The following NAV3 variants were observed in gnomAD, a reference collection of about 807,000 sequenced individuals.
NAV3 encodes the protein pore membrane and/or filament interacting like protein 1.
Under a neutral mutation model 244.7 loss-of-function variants are expected in NAV3, and 87 were observed. The ratio of observed to expected loss-of-function variants is 0.36; its 90% CI spans 0.30 to 0.42. The LOEUF (loss-of-function observed/expected upper bound fraction) is 0.42, where lower values mean the gene tolerates loss of function less well. Ranked by LOEUF, NAV3 falls within the 20% of genes least tolerant of loss-of-function variation. NAV3 has a pLI of 1.00. For synonymous variants in NAV3, 1,126 were observed against 1,042.2 expected, an observed-to-expected ratio of 1.08 and a Z score of -1.55; for missense variants, 2,663 against 2,893.3, an observed-to-expected ratio of 0.92 and a Z score of 1.83.
At chr12:78,142,004 C>T (rs1443205989) in intron 20 of NAV3, among the ~76,000 whole-genome samples, 1 of 151,996 alleles carries the variant, frequency 6.6e-6, no homozygotes, top group Non-Finnish European at 1.5e-5. Flanking sequence ...AAGAAAAATA[C>T]ACTTAGATAG....
At chr12:78,171,797 T>C (rs889592721) in intron 24 of NAV3, among the ~76,000 whole-genome samples, 3 of 151,552 alleles carry the variant, frequency 2.0e-5, no homozygotes, top group African/African-American at 7.3e-5. Flanking sequence ...TTCTGTAATA[T>C]ATATTTTTAA....
intron 1 of NAV3, among the ~76,000 whole-genome samples, chr12:77,853,669 T>G (rs367887032): frequency 1.2e-4 from 18 of 152,316 alleles, no homozygotes; most frequent in African/African-American, 4.1e-4. Context: ...AGAGATAATC[T>G]TATCTCTATT....
chr12:78,069,878 C>T (rs1317239894), intron 12 of NAV3, among the ~76,000 whole-genome samples: 2 of 151,858 alleles, frequency 1.3e-5, no homozygotes, highest in African/African-American at 4.8e-5. Flanking sequence ...TAAAGATTTA[C>T]AATTTTTAGA....
chr12:77,588,662 T>C (rs1176746371), intron 2 of NAV3, among the ~76,000 whole-genome samples: 1 of 152,142 alleles, frequency 6.6e-6, no homozygotes, highest in Non-Finnish European at 1.5e-5. Flanking sequence ...GACTATCTAC[T>C]GTGTGTGTTG....
At chr12:77,628,902 C>CAAAAAAAAAAGA (rs1871759470) in intron 2 of NAV3, among the ~76,000 whole-genome samples, 1 of 86,656 alleles carries the variant, frequency 1.2e-5, no homozygotes, top group African/African-American at 4.2e-5. Flanking sequence ...ACCCTGTCTC[C>CAAAAAAAAAAGA]AAAAAAAAAA....
Position 78,188,324 on chromosome 12 carries a change from T to A in NAV3, c.5867T>A (p.Val1956Glu), listed in dbSNP as rs751480101. Residue 1956 changes from valine (V) to glutamate (E), a missense_variant, in exon 32 of 40, where the codon GTA becomes GAA. By Grantham distance (121) the Val-to-Glu change is moderately radical. This residue lies in a region of NAV3 where 543 missense variants were observed against 672.4 expected (regional missense o/e 0.81). Coordinates refer to ENST00000397909, the MANE Select transcript of NAV3 (RefSeq NM_001024383.2). The stretch of plus-strand genomic sequence containing the variant: ...ACCAAGTGGGATGTCTTAGATGGTG[T>A]AATAAGACGTCTCTTTAAGGTATGT... ...GKTKWDVLDG[V>E]IRRLFKEYVF... 6.2e-7 allele frequency: 1 copy of A among 1,610,284 alleles called. No individual in the cohort carries two copies. Among genetic ancestry groups the A allele is most frequent in the South Asian group, 1.1e-5 (1 of 90,920 alleles).
chr12:77,785,277 C>T (rs948870914), intron 2 of NAV3, among the ~76,000 whole-genome samples: 1 of 152,112 alleles, frequency 6.6e-6, no homozygotes, highest in Admixed American at 6.5e-5. Context: ...ACTCTGGACT[C>T]TGCCCATGTG....
intron 2 of NAV3, among the ~76,000 whole-genome samples, chr12:77,586,783 A>G (rs941337638): frequency 2.0e-5 from 3 of 152,222 alleles, no homozygotes; most frequent in Admixed American, 6.5e-5. Flanking sequence ...CAAGTGTTCA[A>G]TCATCATATG....
intron 2 of NAV3, among the ~76,000 whole-genome samples, chr12:77,599,589 T>C (rs912091495): frequency 6.6e-6 from 1 of 151,810 alleles, no homozygotes. Context: ...CATTCCAAGA[T>C]AGATTTCTAA....
intron 1 of NAV3, among the ~76,000 whole-genome samples, chr12:77,926,475 CATACATAGATAG>C (rs1057477711): frequency 6.8e-6 from 1 of 148,096 alleles, no homozygotes; most frequent in East Asian, 2.1e-4. Context: ...TAGATACATA[CATACATAGATAG>C]ATACATAGAT....
At chr12:77,875,610 T>C (rs1881735225) in intron 1 of NAV3, among the ~76,000 whole-genome samples, 1 of 152,024 alleles carries the variant, frequency 6.6e-6, no homozygotes, top group African/African-American at 2.4e-5. Flanking sequence ...TTGAGTCAAG[T>C]AATGAGGAAA....
intron 1 of NAV3, among the ~76,000 whole-genome samples, chr12:77,880,765 T>C (rs534536122): frequency 2.0e-5 from 3 of 152,152 alleles, no homozygotes; most frequent in Non-Finnish European, 2.9e-5. Context: ...TTTAGTCACA[T>C]GCTTTACAGG....
At position 78,168,882 on chromosome 12, in the gene NAV3, A is replaced by C. The variant is rs554575230; in HGVS notation, c.4981+16A>C. On this transcript the variant is annotated intron_variant, in intron 24 of 39. Coordinates refer to ENST00000397909, the MANE Select transcript of NAV3 (RefSeq NM_001024383.2). The stretch of plus-strand genomic sequence containing the variant: ...CCTCCCAAAGGTATATTTAGAAATC[A>C]TTTCATTTCCACCCAATATAATAGA... The C allele has an allele frequency of 2.6e-6, 4 of 1,533,550 alleles. No homozygotes were observed. The African/African-American group carries it at 5.6e-5, about 21-fold the overall frequency. The allele number at this position is 1,533,550 out of a possible 1,614,324, so 95.0% of individuals were successfully genotyped here.
chr12:77,573,407 A>AT (rs1280937018), intron 2 of NAV3, among the ~76,000 whole-genome samples: 3 of 152,154 alleles, frequency 2.0e-5, no homozygotes, highest in Admixed American at 6.6e-5. Flanking sequence ...AGTTTGGTTC[A>AT]TTTTTTGTGC....
intron 2 of NAV3, among the ~76,000 whole-genome samples, chr12:77,682,419 T>C (rs1874515341): frequency 6.6e-6 from 1 of 152,234 alleles, no homozygotes; most frequent in African/African-American, 2.4e-5. Context: ...GATACTTAGG[T>C]TGATTCCATA....
intron 15 of NAV3, among the ~76,000 whole-genome samples, chr12:78,121,532 G>A (rs974195093): frequency 6.6e-6 from 1 of 151,910 alleles, no homozygotes; most frequent in Non-Finnish European, 1.5e-5. Context: ...AAAAAAAAGA[G>A]AAGAGCTCAT....
intron 2 of NAV3, among the ~76,000 whole-genome samples, chr12:77,697,859 A>G (rs1875384599): frequency 1.3e-5 from 2 of 152,160 alleles, no homozygotes; most frequent in Non-Finnish European, 2.9e-5. Context: ...AGGGATTCCC[A>G]GAAGAAGTGA....
At chr12:77,947,817 G>C (rs1396118607) in intron 3 of NAV3, among the ~76,000 whole-genome samples, 2 of 152,012 alleles carry the variant, frequency 1.3e-5, no homozygotes, top group African/African-American at 4.8e-5. Flanking sequence ...TCACCTAAAT[G>C]ATTTTTAAAT....
chr12:77,714,980 T>C (rs992327383), intron 2 of NAV3, among the ~76,000 whole-genome samples: 1 of 152,116 alleles, frequency 6.6e-6, no homozygotes, highest in Non-Finnish European at 1.5e-5. Context: ...CTCACAAATA[T>C]TTAATTTAGC....
Sources: gnomAD v4.1 joint callset for allele counts (sites outside exome capture counted in the v4.1 genomes callset) on GRCh38, gnomAD v4.1.1 for gene constraint, gnomAD v4.1.1 regional missense constraint, MANE v1.5 for transcripts, NCBI Gene and HGNC (gene_info 2026-07-23, HGNC 2026-07-21) for gene names.